The following BRF2 variants were observed in gnomAD, a reference collection of about 807,000 sequenced individuals.
BRF2 encodes the protein BRF2 general transcription factor IIIB subunit, also known as transcription factor IIIB 50 kDa subunit.
A neutral mutation model predicts 26.6 loss-of-function variants in BRF2; 17 were observed. That is an observed-to-expected ratio of 0.64 (90% confidence interval 0.44 to 0.96). The LOEUF is 0.96. Ranked by LOEUF, BRF2 falls within the 40% of genes least tolerant of loss-of-function variation. The pLI, the probability that BRF2 is intolerant of heterozygous loss-of-function variation, is 0.00. For missense variants in BRF2, 515 were observed against 537.0 expected (o/e 0.96, Z 0.40); for synonymous variants, 219 against 226.6 (o/e 0.97, Z 0.30).
chr8:37,846,771 A>T (rs1805965261), intron 3 of BRF2, 83 bp downstream of exon 3: 1 of 1,037,378 alleles, frequency 9.6e-7, no homozygotes, highest in African/African-American at 1.6e-5. Flanking sequence ...CCAAGAAAAA[A>T]AAAAAGAGAT....
intron 2 of BRF2, among the ~76,000 whole-genome samples, chr8:37,847,961 A>ATTT (rs998271737): frequency 7.3e-6 from 1 of 137,618 alleles, no homozygotes; most frequent in East Asian, 2.0e-4. Context: ...TATTATTATT[A>ATTT]TTTTTTGAGA....
rs1244035957 is a variant in BRF2, at chr8:37,844,071, A to G, written c.*419T>C. The G allele has an allele frequency of 1.0e-5, 2 of 191,174 alleles. No homozygotes were observed. The highest frequency in any genetic ancestry group is 2.2e-5 in the Non-Finnish European group (2 of 90,362). 11.8% of individuals were successfully genotyped at this position (191,174 alleles called of 1,614,324 possible). A position where few individuals can be genotyped will look rare whatever the true frequency, so the allele number is the denominator to read the frequency against. ...ATTGCCTGTGAATGCACGTAGGGCC[A>G]GAATTCCCCAGTTCCCGCTCCTCTG... On this transcript the variant is annotated 3_prime_UTR_variant, in exon 4 of 4. Transcript: ENST00000220659.
In BRF2 at chr8:37,844,465, A is replaced by T; in HGVS notation, c.*25T>A. On this transcript the variant is annotated 3_prime_UTR_variant, in exon 4 of 4. Coordinates refer to ENST00000220659, the MANE Select transcript of BRF2 (RefSeq NM_018310.4). ...AATGTTATCAAGCTGTCAGAACAGG[A>T]TGAAGTGCTCCCAGTGGATATCCAT... is the stretch of plus-strand genomic sequence containing the variant. The T allele has an allele frequency of 6.2e-7, 1 of 1,606,592 alleles. No homozygotes were observed. Among genetic ancestry groups the T allele is most frequent in the Non-Finnish European group, 8.5e-7 (1 of 1,176,070 alleles).
chr8:37,847,196 G>C (rs1206820303), intron 2 of BRF2, 21 bp from the exon 3 acceptor site: 3 of 1,609,410 alleles, frequency 1.9e-6, no homozygotes, highest in Non-Finnish European at 2.6e-6. Flanking sequence ...CCCACGGCAA[G>C]AGTTAGAGGG....
rs151078291 is a variant in BRF2 at position 37,844,757 on chromosome 8, C to T, written c.993G>A (p.Gln331=). Residue 331 remains glutamine (Q), a synonymous_variant, in exon 4 of 4, where the codon CAG becomes CAA. Coordinates refer to ENST00000220659, the MANE Select transcript of BRF2 (RefSeq NM_018310.4). ...TREKEPPGWG[Q]GQGEGEVGNN... ...TTCCCACCTCCCCTTCTCCTTGCCC[C>T]TGTCCCCACCCCGGTGGCTCCTTCT... The T allele has an allele frequency of 2.5e-6, 4 of 1,613,832 alleles. No individual in the cohort carries two copies. The highest frequency in any genetic ancestry group is 3.4e-6 in the Non-Finnish European group (4 of 1,179,914).
intron 2 of BRF2, 123 bp from the exon 3 acceptor site, chr8:37,847,298 T>G: frequency 1.3e-6 from 1 of 788,984 alleles, no homozygotes. Context: ...GCACAAATTA[T>G]GTACCTTTCT....
At position 37,847,130 on chromosome 8, in the gene BRF2, G is replaced by A. The variant is rs1193362469; in HGVS notation, c.260C>T (p.Pro87Leu). ...RDLCRVLQLP[P>L]TFEDTAVAYY... ...GGCAACCGCGGTATCCTCAAATGTT[G>A]GTGGCAACTGCAGAACTCGACAAAG... Residue 87 changes from proline to leucine, a missense_variant, in exon 3 of 4, where the codon CCA (proline) becomes CTA (leucine). Transcript: ENST00000220659. 2 of 1,614,042 alleles carry A rather than the reference G, an allele frequency of 1.2e-6. No homozygotes were observed. The highest frequency in any genetic ancestry group is 2.7e-5 in the African/African-American group (2 of 74,916).
In BRF2 at chr8:37,849,829, G is replaced by A. The variant is rs1212468635; in HGVS notation, c.-46C>T. ...CGCGGAAGCCTTCAGAGACTCCTGG[G>A]TCTGCAACAGCAACCGTGAGGCAGC... On this transcript the variant is annotated 5_prime_UTR_variant, in exon 1 of 4. Transcript: ENST00000220659. 3.9e-6 allele frequency: 6 copies of A among 1,545,792 alleles called. No individual in the cohort carries two copies. Among genetic ancestry groups the A allele is most frequent in the Non-Finnish European group, 5.2e-6 (6 of 1,147,844 alleles).
chr8:37,844,696 C>A lies in BRF2; in HGVS notation c.1054G>T (p.Ala352Ser), dbSNP rs868725875. 6.2e-7 allele frequency: 1 copy of A among 1,614,088 alleles called. No individual in the cohort carries two copies. The highest frequency in any genetic ancestry group is 1.3e-5 in the African/African-American group (1 of 75,036). The stretch of plus-strand genomic sequence containing the variant: ...GGTGGCAAGAGAAGGGCAGGACTGG[C>A]CGGCCGCTTCCCCTGGGGTAAACCT... Reference protein sequence around the residue: ...SLGLPQGKRPASPALLLPPCM... With the variant: ...SLGLPQGKRPSSPALLLPPCM... Residue 352 changes from alanine (A) to serine (S), a missense_variant, in exon 4 of 4, where the codon GCC becomes TCC. By Grantham distance (99) the Ala-to-Ser change is moderately conservative. Transcript: ENST00000220659.
At chr8:37,849,100 AT>A (rs1215206920) in intron 1 of BRF2, among the ~76,000 whole-genome samples, 5 of 151,854 alleles carry the variant, frequency 3.3e-5, no homozygotes, top group Non-Finnish European at 2.9e-5. Flanking sequence ...TTAAAAAAAA[AT>A]TTTTTTAGGC....
Position 37,844,812 on chromosome 8 carries a change from C to A in BRF2, c.938G>T (p.Arg313Leu). The A allele has an allele frequency of 6.2e-7, 1 of 1,614,166 alleles. No individual in the cohort carries two copies. Among genetic ancestry groups the A allele is most frequent in the Non-Finnish European group, 8.5e-7 (1 of 1,180,040 alleles). The change falls in exon 4 of 4, where the codon CGG becomes CTG. Residue 313 changes from arginine to leucine, a missense_variant. Coordinates refer to ENST00000220659, the MANE Select transcript of BRF2 (RefSeq NM_018310.4). ...GGTCTCCACTTCTGCTGTCCCATCC[C>A]GAAAGGCAGAGCGGACCAGTGACTG... ...HRQSLVRSAF[R>L]DGTAEVETRE...
intron 3 of BRF2, among the ~76,000 whole-genome samples, chr8:37,846,310 T>C (rs1315503219): frequency 2.0e-5 from 3 of 152,108 alleles, no homozygotes; most frequent in Non-Finnish European, 4.4e-5. Context: ...ATCATGCCAC[T>C]GCTCTCCAGC....
At position 37,846,842 on chromosome 8, in the gene BRF2, C is replaced by G. The variant is rs751062174; in HGVS notation, c.536+12G>C. On this transcript the variant is annotated intron_variant, in intron 3 of 3. Coordinates refer to ENST00000220659, the MANE Select transcript of BRF2 (RefSeq NM_018310.4). ...TCCCATCCCATCCTACTGTCTCCCA[C>G]CAGGGACGTACCTGCTGCAATAGGT... is the stretch of plus-strand genomic sequence containing the variant. The G allele has an allele frequency of 3.1e-6, 5 of 1,599,808 alleles. No individual in the cohort carries two copies. In the South Asian group the frequency reaches 5.5e-5, roughly 18 times the overall value.
chr8:37,845,197 C>A lies in BRF2; in HGVS notation c.553G>T (p.Ala185Ser), dbSNP rs1449252736. ...TATTTGGCTGGCACAGAAGGTGAAG[C>A]TTGGAACAGTTTGAAGCTGAAATAA... is the stretch of plus-strand genomic sequence containing the variant. ...TYCSSFKLFQ[A>S]SPSVPAKYVE... is the part of the protein sequence containing the mutation. Residue 185 changes from alanine to serine, a missense_variant, in exon 4 of 4, where the codon GCT (alanine) becomes TCT (serine). Transcript: ENST00000220659. 1.2e-6 allele frequency: 2 copies of A among 1,610,344 alleles called. No homozygotes were observed. The highest frequency in any genetic ancestry group is 1.7e-6 in the Non-Finnish European group (2 of 1,177,584).
At chr8:37,848,483 G>C in intron 2 of BRF2, 113 bp downstream of exon 2, 2 of 906,108 alleles carry the variant, frequency 2.2e-6, no homozygotes, top group Non-Finnish European at 3.7e-6. Context: ...CTGACCTCAG[G>C]TGATCCACCT....
At chr8:37,847,555 A>T (rs559074190) in intron 2 of BRF2, among the ~76,000 whole-genome samples, 1 of 152,304 alleles carries the variant, frequency 6.6e-6, no homozygotes, top group African/African-American at 2.4e-5. Flanking sequence ...TCTGAGACAG[A>T]GTCTGGCTCA....
rs750816819 is a variant in BRF2, at chr8:37,844,159, CAGG to C, written c.*328_*330del. On this transcript the variant is annotated 3_prime_UTR_variant, in exon 4 of 4. Coordinates refer to ENST00000220659, the MANE Select transcript of BRF2 (RefSeq NM_018310.4). ...GCAGAGGGAAGCCCCCTCAGGCCTG[CAGG>C]AGGAGCCGCAGCAGTGTGTCCAATT... 2.1e-5 allele frequency: 6 copies of C among 284,752 alleles called. No homozygotes were observed. Among genetic ancestry groups the C allele is most frequent in the Non-Finnish European group, 4.0e-5 (6 of 148,786 alleles). The allele number at this position is 284,752 out of a possible 1,614,324, so 17.6% of individuals were successfully genotyped here.
rs772964790 is a variant in BRF2, at chr8:37,844,278, C to T, written c.*212G>A. On this transcript the variant is annotated 3_prime_UTR_variant, in exon 4 of 4. Transcript: ENST00000220659. ...TGGACATAGGCAACTTGCTCTCCCA[C>T]ACCAAGGGATGGGAATCTCTCCTAC... is the stretch of plus-strand genomic sequence containing the variant. 7.0e-5 allele frequency: 42 copies of T among 597,798 alleles called. No individual in the cohort carries two copies. Among genetic ancestry groups the T allele is most frequent in the Non-Finnish European group, 1.0e-4 (34 of 336,768 alleles). 37.0% of individuals were successfully genotyped at this position (597,798 alleles called of 1,614,324 possible).
chr8:37,848,699 A>G (rs771294099), intron 1 of BRF2, 44 bp from the exon 2 acceptor site: 1 of 1,495,718 alleles, frequency 6.7e-7, no homozygotes, highest in Admixed American at 1.7e-5. Flanking sequence ...GCCTTTATTC[A>G]TCAGACCCCT....
Sources: gnomAD v4.1 joint callset for allele counts (sites outside exome capture counted in the v4.1 genomes callset) on GRCh38, gnomAD v4.1.1 for gene constraint, MANE v1.5 for transcripts, NCBI Gene and HGNC (gene_info 2026-07-23, HGNC 2026-07-21) for gene names.